The following LTBP1 variants were observed in gnomAD, a reference collection of about 807,000 sequenced individuals.
LTBP1 encodes the protein latent transforming growth factor beta binding protein 1, also known as latent-transforming growth factor beta-binding protein 1.
A neutral mutation model predicts 207.6 loss-of-function variants in LTBP1; 129 were observed. That is an observed-to-expected ratio of 0.62 (90% CI 0.54 to 0.72). The LOEUF (loss-of-function observed/expected upper bound fraction) is 0.72, where lower values mean the gene tolerates loss of function less well. Among genes scored for constraint, LTBP1 ranks in the 30% least tolerant of loss-of-function variants. The pLI, the probability that LTBP1 is intolerant of heterozygous loss-of-function variation, is 0.00. For missense variants in LTBP1, 2,281 were observed against 2,217.2 expected, an observed-to-expected ratio of 1.03 and a Z score of -0.58; for synonymous variants, 963 against 833.7, an observed-to-expected ratio of 1.16 and a Z score of -2.67.
At chr2:33,198,216 A>G (rs557354443) in intron 7 of LTBP1, among the ~76,000 whole-genome samples, 1 of 152,298 alleles carries the variant, frequency 6.6e-6, no homozygotes, top group Non-Finnish European at 1.5e-5. Context: ...ATTTGCGTAT[A>G]TTGAACCAGC....
intron 5 of LTBP1, among the ~76,000 whole-genome samples, chr2:33,148,063 A>G (rs1044496861): frequency 2.0e-5 from 3 of 152,184 alleles, no homozygotes; most frequent in Non-Finnish European, 4.4e-5. Context: ...TCAGCAAAAC[A>G]TTACCAGCTG....
At chr2:33,051,017 C>T (rs2076711297) in intron 3 of LTBP1, among the ~76,000 whole-genome samples, 1 of 152,138 alleles carries the variant, frequency 6.6e-6, no homozygotes, top group Non-Finnish European at 1.5e-5. Context: ...GCCACCGCGC[C>T]CGGCCTGAAA....
chr2:33,020,072 T>G (rs1337873042), intron 2 of LTBP1, among the ~76,000 whole-genome samples: 2 of 152,114 alleles, frequency 1.3e-5, no homozygotes, highest in Non-Finnish European at 2.9e-5. Flanking sequence ...CATACATCCT[T>G]GCAAATAGGA....
intron 3 of LTBP1, among the ~76,000 whole-genome samples, chr2:33,054,879 T>C (rs2076913036): frequency 6.6e-6 from 1 of 152,140 alleles, no homozygotes; most frequent in Admixed American, 6.5e-5. Context: ...GGAACCTTCA[T>C]CCTCTGGAGC....
intron 3 of LTBP1, among the ~76,000 whole-genome samples, chr2:33,078,725 A>G (rs2078215864): frequency 6.6e-6 from 1 of 152,196 alleles, no homozygotes; most frequent in Non-Finnish European, 1.5e-5. Flanking sequence ...TAGAAATTTA[A>G]GAGTGGCATA....
intron 26 of LTBP1, among the ~76,000 whole-genome samples, chr2:33,352,701 A>AAAACATAG (rs1303526991): frequency 6.6e-6 from 1 of 152,160 alleles, no homozygotes; most frequent in Admixed American, 6.5e-5. Context: ...TAATGTTTTC[A>AAAACATAG]AAACATAGAT....
chr2:33,009,453 G>T (rs552672449), intron 2 of LTBP1, among the ~76,000 whole-genome samples: 2 of 152,162 alleles, frequency 1.3e-5, no homozygotes, highest in Non-Finnish European at 2.9e-5. Flanking sequence ...TATGTGTGAC[G>T]TAATCCAGTG....
intron 26 of LTBP1, among the ~76,000 whole-genome samples, chr2:33,349,302 T>G (rs909440563): frequency 6.6e-6 from 1 of 152,054 alleles, no homozygotes; most frequent in South Asian, 2.1e-4. Context: ...ATAGAAAAAT[T>G]AGCCGGGAGT....
At chr2:33,149,434 CAA>C (rs1423879385) in intron 5 of LTBP1, among the ~76,000 whole-genome samples, 3 of 152,126 alleles carry the variant, frequency 2.0e-5, no homozygotes, top group African/African-American at 4.8e-5. Context: ...CTCTTAATCT[CAA>C]GATTGTTCTG....
At chr2:32,971,040 G>GTGTCTGTC (rs869199467) in intron 2 of LTBP1, among the ~76,000 whole-genome samples, 20 of 137,246 alleles carry the variant, frequency 1.5e-4, no homozygotes, top group African/African-American at 5.2e-4. Flanking sequence ...GTGTGTGTGT[G>GTGTCTGTC]TGTCTGTCTG....
At chr2:33,113,171 C>G (rs1366811307) in intron 4 of LTBP1, among the ~76,000 whole-genome samples, 1 of 152,124 alleles carries the variant, frequency 6.6e-6, no homozygotes, top group Non-Finnish European at 1.5e-5. Flanking sequence ...GTTATCTTCT[C>G]CCTTTAAAAG....
chr2:33,303,786 G>T (rs149527928), intron 22 of LTBP1, among the ~76,000 whole-genome samples: 222 of 152,216 alleles, frequency 1.5e-3, no homozygotes, highest in African/African-American at 5.0e-3. Flanking sequence ...GGTAATGCTC[G>T]CTCCCTGCTG....
chr2:33,121,159 CTTTTTTTT>C (rs61065486), intron 4 of LTBP1, among the ~76,000 whole-genome samples: 6 of 87,536 alleles, frequency 6.9e-5, no homozygotes, highest in African/African-American at 1.5e-4. Flanking sequence ...TTTGTAAAGT[CTTTTTTTT>C]TTTTTTTTTT....
intron 15 of LTBP1, among the ~76,000 whole-genome samples, chr2:33,272,111 G>A (rs990111425): frequency 6.6e-6 from 1 of 152,202 alleles, no homozygotes; most frequent in Admixed American, 6.5e-5. Context: ...CAGATGACTT[G>A]CATGAGTAGT....
At chr2:33,027,076 G>C (rs1214850508) in intron 3 of LTBP1, among the ~76,000 whole-genome samples, 1 of 152,162 alleles carries the variant, frequency 6.6e-6, no homozygotes, top group East Asian at 1.9e-4. Context: ...CTATGCAGTT[G>C]TGTGACTATA....
chr2:33,126,601 T>A (rs933493549), intron 4 of LTBP1, among the ~76,000 whole-genome samples: 2 of 152,210 alleles, frequency 1.3e-5, no homozygotes, highest in African/African-American at 4.8e-5. Flanking sequence ...TGTACAACTA[T>A]ACATCAGTAA....
At chr2:33,277,299 A>G (rs1358482831) in intron 18 of LTBP1, among the ~76,000 whole-genome samples, 1 of 151,324 alleles carries the variant, frequency 6.6e-6, no homozygotes, top group African/African-American at 2.4e-5. Flanking sequence ...GGAGTTTTGT[A>G]CCCTCCCCGA....
chr2:33,108,995 T>C (rs1261676564), intron 3 of LTBP1, among the ~76,000 whole-genome samples: 2 of 152,246 alleles, frequency 1.3e-5, no homozygotes, highest in Admixed American at 6.5e-5. Flanking sequence ...TTGTGTGGTA[T>C]TGCATCTGGG....
At position 33,186,837 on chromosome 2, in the gene LTBP1, T is replaced by C. The variant is rs1281475751; in HGVS notation, c.1202-19T>C. 6.2e-7 allele frequency: 1 copy of C among 1,600,314 alleles called. No individual in the cohort carries two copies. Among genetic ancestry groups the C allele is most frequent in the South Asian group, 1.1e-5 (1 of 90,648 alleles). On this transcript the variant is annotated intron_variant, in intron 5 of 33. Transcript: ENST00000404816. ...TGAGAGACTAACCAACTCTCCATGT[T>C]TTCTCTTTTCCCTTTTAGTAATTTG...
Sources: allele counts gnomAD v4.1 joint callset (sites outside exome capture counted in the v4.1 genomes callset), GRCh38; gene constraint gnomAD v4.1.1; transcripts MANE v1.5; gene names NCBI Gene and HGNC (gene_info 2026-07-23, HGNC 2026-07-21).